Variants in HCN1 observed in about 807,000 individuals in gnomAD.
The protein encoded by HCN1 is hyperpolarization activated cyclic nucleotide gated potassium channel 1, also known as potassium/sodium hyperpolarization-activated cyclic nucleotide-gated channel 1.
HCN1 carries 13 observed loss-of-function variants against 78.9 expected under a neutral mutation model. That is an observed-to-expected ratio of 0.16 (90% CI 0.11 to 0.26). The LOEUF is 0.26. HCN1 is among the 10% of genes least tolerant of loss of function. HCN1 has a pLI of 1.00. For synonymous variants in HCN1, 552 were observed against 455.5 expected (o/e 1.21, Z -2.70); for missense variants, 810 against 1,154.3 (o/e 0.70, Z 4.32).
In HCN1 at chr5:45,561,713, C is replaced by T. The variant is rs77210075; in HGVS notation, c.849+83472G>A. On this transcript the variant is annotated intron_variant, in intron 2 of 7. Coordinates refer to ENST00000303230, the MANE Select transcript of HCN1 (RefSeq NM_021072.4). ...GATGGGGGCTGGTCACTGAAATGATCAATAATGTGATTAGAAAATTGGGGC... is the reference window on the plus strand; with the variant it reads ...GATGGGGGCTGGTCACTGAAATGATTAATAATGTGATTAGAAAATTGGGGC... 1.4e-4 allele frequency among the ~76,000 whole-genome samples: 21 copies of T among 152,062 alleles called. No individual in the cohort carries two copies. The East Asian group carries it at 4.1e-3, about 30-fold the overall frequency.
At chr5:45,274,723 G>T (rs73752447) in intron 6 of HCN1, among the ~76,000 whole-genome samples, 5 of 152,224 alleles carry the variant, frequency 3.3e-5, no homozygotes, top group African/African-American at 9.6e-5. Context: ...TAAACAATTT[G>T]TTCATAAACT....
intron 4 of HCN1, among the ~76,000 whole-genome samples, chr5:45,373,495 T>C (rs1423716181): frequency 7.1e-6 from 1 of 140,398 alleles, no homozygotes; most frequent in East Asian, 2.1e-4. Flanking sequence ...ATACAATATA[T>C]ACATTATATA....
At chr5:45,340,827 T>A (rs1746562950) in intron 5 of HCN1, among the ~76,000 whole-genome samples, 1 of 152,186 alleles carries the variant, frequency 6.6e-6, no homozygotes, top group African/African-American at 2.4e-5. Flanking sequence ...ACATCAGTTT[T>A]AAAATAGCCT....
intron 5 of HCN1, among the ~76,000 whole-genome samples, chr5:45,340,283 A>C (rs920156754): frequency 6.6e-6 from 1 of 152,186 alleles, no homozygotes; most frequent in African/African-American, 2.4e-5. Context: ...ATTATATATT[A>C]CCTTGAGAAT....
chr5:45,310,099 A>T (rs560306022), intron 5 of HCN1, among the ~76,000 whole-genome samples: 14 of 152,052 alleles, frequency 9.2e-5, no homozygotes, highest in Non-Finnish European at 1.5e-4. Context: ...TCAGGACATA[A>T]ACACGAGCAA....
At position 45,362,694 on chromosome 5, in the gene HCN1, A is replaced by G. The variant is rs113272870; in HGVS notation, c.1231-9448T>C. 1.3e-3 allele frequency among the ~76,000 whole-genome samples: 202 copies of G among 152,266 alleles called. 2 individuals are homozygous for G. The highest frequency in any genetic ancestry group is 4.7e-3 in the African/African-American group (196 of 41,576). On this transcript the variant is annotated intron_variant, in intron 4 of 7. Coordinates refer to ENST00000303230, the MANE Select transcript of HCN1 (RefSeq NM_021072.4). ...TATCATGATCTTCATTTTACAGATA[A>G]TGAAATTGAGGCACAGAGAATTTAA...
chr5:45,300,379 T>C (rs982607044), intron 6 of HCN1, among the ~76,000 whole-genome samples: 1 of 152,004 alleles, frequency 6.6e-6, no homozygotes, highest in East Asian at 1.9e-4. Flanking sequence ...AAGTAACCCC[T>C]TCTCTTCCTT....
intron 1 of HCN1, among the ~76,000 whole-genome samples, chr5:45,680,696 G>C (rs1452965337): frequency 2.6e-5 from 4 of 151,606 alleles, no homozygotes; most frequent in Non-Finnish European, 5.9e-5. Context: ...TTTAATTATA[G>C]CCTTGATCTT....
At chr5:45,584,463 T>C (rs1744158213) in intron 2 of HCN1, among the ~76,000 whole-genome samples, 2 of 152,166 alleles carry the variant, frequency 1.3e-5, no homozygotes, top group Admixed American at 6.5e-5. Flanking sequence ...AGCACACTGA[T>C]GGGTCTTGAC....
intron 2 of HCN1, among the ~76,000 whole-genome samples, chr5:45,478,320 G>A (rs577299723): frequency 6.6e-6 from 1 of 152,172 alleles, no homozygotes; most frequent in African/African-American, 2.4e-5. Context: ...CATTCTATTG[G>A]GAAAAGGGGC....
At chr5:45,672,046 G>T (rs1043699356) in intron 1 of HCN1, among the ~76,000 whole-genome samples, 1 of 151,528 alleles carries the variant, frequency 6.6e-6, no homozygotes, top group Non-Finnish European at 1.5e-5. Flanking sequence ...AGGGGTGGCA[G>T]AGAGGAAAGA....
intron 6 of HCN1, among the ~76,000 whole-genome samples, chr5:45,270,892 AT>A (rs1355588048): frequency 6.6e-6 from 1 of 152,030 alleles, no homozygotes; most frequent in African/African-American, 2.4e-5. Context: ...GTTTAGTCAA[AT>A]TTTTTCTAAA....
At chr5:45,540,424 G>T (rs1743079895) in intron 2 of HCN1, among the ~76,000 whole-genome samples, 1 of 151,566 alleles carries the variant, frequency 6.6e-6, no homozygotes, top group African/African-American at 2.4e-5. Context: ...ACCTCCCCAG[G>T]CTCAGGTGAT....
intron 2 of HCN1, among the ~76,000 whole-genome samples, chr5:45,550,017 T>C (rs1743330856): frequency 6.6e-6 from 1 of 152,054 alleles, no homozygotes; most frequent in Non-Finnish European, 1.5e-5. Flanking sequence ...GGAGAGTATG[T>C]GGAGAAATAG....
chr5:45,377,401 T>C (rs1157967585), intron 4 of HCN1, among the ~76,000 whole-genome samples: 2 of 152,012 alleles, frequency 1.3e-5, no homozygotes, highest in Non-Finnish European at 2.9e-5. Flanking sequence ...AAAACAAATG[T>C]GTTTATTAAA....
chr5:45,295,137 A>G (rs1745462814), intron 6 of HCN1, among the ~76,000 whole-genome samples: 1 of 151,956 alleles, frequency 6.6e-6, no homozygotes, highest in Non-Finnish European at 1.5e-5. Flanking sequence ...GGCCTAAGCT[A>G]TGTAGACAAA....
chr5:45,440,161 G>A (rs1264524006), intron 3 of HCN1, among the ~76,000 whole-genome samples: 1 of 151,614 alleles, frequency 6.6e-6, no homozygotes, highest in Non-Finnish European at 1.5e-5. Context: ...AAAGGTCCAA[G>A]ACTGTCAGAA....
At position 45,487,894 on chromosome 5, in the gene HCN1, G is replaced by A. The variant is rs188903213; in HGVS notation, c.850-25887C>T. On this transcript the variant is annotated intron_variant, in intron 2 of 7. Transcript: ENST00000303230. ...GACAGAGAAGAAACAGAAGGGTTTC[G>A]ATCTAAAAATATTGATTTGATATCT... 6.4e-4 allele frequency among the ~76,000 whole-genome samples: 97 copies of A among 152,126 alleles called. 1 individual carries two copies. Among genetic ancestry groups the A allele is most frequent in the South Asian group, 2.1e-3 (10 of 4,824 alleles).
chr5:45,499,147 A>T (rs1742129519), intron 2 of HCN1, among the ~76,000 whole-genome samples: 1 of 152,178 alleles, frequency 6.6e-6, no homozygotes, highest in South Asian at 2.1e-4. Context: ...TTACCTAAGC[A>T]AGCCTGGGCA....
Sources: gnomAD v4.1 joint callset for allele counts (sites outside exome capture counted in the v4.1 genomes callset) on GRCh38, gnomAD v4.1.1 for gene constraint, MANE v1.5 for transcripts, NCBI Gene and HGNC (gene_info 2026-07-23, HGNC 2026-07-21) for gene names.